ST3GAL4: variants seen among roughly 807,000 people sequenced by gnomAD.
ST3GAL4 encodes CMP-N-acetylneuraminate-beta-galactosamide-alpha-2,3-sialyltransferase 4.
A neutral mutation model predicts 42.6 loss-of-function variants in ST3GAL4; 24 were observed. That is an observed-to-expected ratio of 0.56 (90% CI 0.41 to 0.79). The LOEUF is 0.79. Among genes scored for constraint, ST3GAL4 ranks in the 30% least tolerant of loss-of-function variants. ST3GAL4 has a pLI of 0.00. For synonymous variants in ST3GAL4, 135 were observed against 163.2 expected (o/e 0.83, Z 1.32); for missense variants, 311 against 430.8 (o/e 0.72, Z 2.46).
intron 1 of ST3GAL4, among the ~76,000 whole-genome samples, chr11:126,362,151 G>A (rs981950497): frequency 6.7e-6 from 1 of 149,904 alleles, no homozygotes; most frequent in African/African-American, 2.5e-5. Context: ...CAGAGTGCCA[G>A]GATTACAGGA....
At chr11:126,361,960 C>CAG (rs1952258310) in intron 1 of ST3GAL4, among the ~76,000 whole-genome samples, 1 of 151,260 alleles carries the variant, frequency 6.6e-6, no homozygotes, top group African/African-American at 2.4e-5. Context: ...CGGCTCACTG[C>CAG]CATCTCTGCC....
Position 126,406,272 on chromosome 11 carries a change from G to C in ST3GAL4, c.16+101G>C. The stretch of plus-strand genomic sequence containing the variant: ...CTGGGGGCTGTGGAGGGACAGACAG[G>C]GAGCCAGGGGCCCTTCTCTTCATCT... On this transcript the variant is annotated intron_variant, in intron 2 of 10. Transcript: ENST00000444328. This position sits in a 1 kb window ranked among gnomAD's most constrained non-coding sequence, Gnocchi z 5.4. 6.5e-7 allele frequency: 1 copy of C among 1,547,882 alleles called. No homozygotes were observed. Among genetic ancestry groups the C allele is most frequent in the African/African-American group, 1.4e-5 (1 of 72,986 alleles).
At chr11:126,357,596 A>G (rs909161434) in intron 1 of ST3GAL4, among the ~76,000 whole-genome samples, 2 of 152,162 alleles carry the variant, frequency 1.3e-5, no homozygotes, top group Admixed American at 1.3e-4. Context: ...CAACCTCGTT[A>G]GACTCCTAGA....
rs1037899401 is a variant in ST3GAL4, at chr11:126,392,318, A to G, written c.-60-13778A>G. ...GGGACTGCACAGAGTTTACTGTCGG[A>G]CATCAGTTCTGATATGGTGCAGCAG... is the stretch of plus-strand genomic sequence containing the variant. On this transcript the variant is annotated intron_variant, in intron 1 of 10. Coordinates refer to ENST00000444328, the MANE Select transcript of ST3GAL4 (RefSeq NM_001254757.2). This position sits in a 1 kb window ranked among gnomAD's most constrained non-coding sequence, Gnocchi z 5.8. 7.1e-6 allele frequency: 7 copies of G among 985,774 alleles called. No individual in the cohort carries two copies. In the Admixed American group the frequency reaches 2.5e-4, roughly 35 times the overall value. 61.1% of individuals were successfully genotyped at this position (985,774 alleles called of 1,614,324 possible). A position where few individuals can be genotyped will look rare whatever the true frequency, so the allele number is the denominator to read the frequency against.
At chr11:126,360,577 C>A (rs575513471) in intron 1 of ST3GAL4, among the ~76,000 whole-genome samples, 8 of 152,302 alleles carry the variant, frequency 5.3e-5, no homozygotes, top group African/African-American at 1.9e-4. Context: ...GCACCCGCCA[C>A]CACGCCTGGC....
At chr11:126,381,042 G>C (rs950611721) in intron 1 of ST3GAL4, among the ~76,000 whole-genome samples, 6 of 152,224 alleles carry the variant, frequency 3.9e-5, no homozygotes, top group Non-Finnish European at 4.4e-5. Context: ...AGAACATGGG[G>C]TGCACTTCTG....
chr11:126,409,222 G>C lies in ST3GAL4; in HGVS notation c.628-46G>C. Reference sequence around the variant, plus strand: ...ACCACTGGGTTGGATTTGAGAAACAGGGCTTCACCCGCTTCTGTCTCTCTC... The same window carrying C: ...ACCACTGGGTTGGATTTGAGAAACACGGCTTCACCCGCTTCTGTCTCTCTC... On this transcript the variant is annotated intron_variant, in intron 8 of 10. Coordinates refer to ENST00000444328, the MANE Select transcript of ST3GAL4 (RefSeq NM_001254757.2). The surrounding 1 kb of genome is among the most constrained non-coding windows in gnomAD (Gnocchi z 4.9). 3 of 1,603,490 alleles carry C rather than the reference G, an allele frequency of 1.9e-6. No individual in the cohort carries two copies. The South Asian group carries it at 3.3e-5, about 18-fold the overall frequency.
At chr11:126,408,895 T>C (rs867088624) in intron 8 of ST3GAL4, 3 of 399,372 alleles carry the variant, frequency 7.5e-6, no homozygotes, top group Non-Finnish European at 1.4e-5. Flanking sequence ...AAGAGTTCAC[T>C]ACATCACTTT....
chr11:126,408,117 T>G lies in ST3GAL4; in HGVS notation c.360T>G (p.Cys120Trp). The change falls in exon 7 of 11, where the codon TGT (cysteine) becomes TGG (tryptophan). Residue 120 changes from cysteine to tryptophan, a missense_variant. Physicochemically the swap from Cys to Trp is radical, Grantham distance 215 (BLOSUM62 -2). Transcript: ENST00000444328. ...ATGGCAGCCTCAGGTGCCGCCGCTGTGTGGTCGTGGGGAACGGGCACCGGC... is the reference window on the plus strand; with the variant it reads ...ATGGCAGCCTCAGGTGCCGCCGCTGGGTGGTCGTGGGGAACGGGCACCGGC... ...KNIQSLRCRRCVVVGNGHRLR... is the reference protein window; with the variant it reads ...KNIQSLRCRRWVVVGNGHRLR... 6.2e-7 allele frequency: 1 copy of G among 1,614,042 alleles called. No individual in the cohort carries two copies. Among genetic ancestry groups the G allele is most frequent in the Non-Finnish European group, 8.5e-7 (1 of 1,179,998 alleles).
chr11:126,376,575 C>T lies in ST3GAL4; in HGVS notation c.-61+20733C>T, dbSNP rs185343352. On this transcript the variant is annotated intron_variant, in intron 1 of 10. Transcript: ENST00000444328. The surrounding 1 kb of genome is among the most constrained non-coding windows in gnomAD (Gnocchi z 5.1). ...AAACAGAAGCATTTACCATAAATAA[C>T]CCCAGTTAAGATTTGATTATGCTGT... Among the ~76,000 whole-genome samples the T allele has an allele frequency of 8.5e-5, 13 of 152,280 alleles. No individual in the cohort carries two copies. The highest frequency in any genetic ancestry group is 1.8e-4 in the Non-Finnish European group (12 of 68,028).
chr11:126,372,371 A>G (rs1024993404), intron 1 of ST3GAL4, among the ~76,000 whole-genome samples: 5 of 150,484 alleles, frequency 3.3e-5, no homozygotes, highest in African/African-American at 1.2e-4. Flanking sequence ...AGGTTGATCC[A>G]TGTTGCAGTG....
chr11:126,361,147 C>T (rs1190172258), intron 1 of ST3GAL4, among the ~76,000 whole-genome samples: 5 of 152,170 alleles, frequency 3.3e-5, no homozygotes, highest in Non-Finnish European at 7.3e-5. Flanking sequence ...ACCTCAGCTC[C>T]AATCCCTATG....
At chr11:126,390,181 CA>C (rs967357657) in intron 1 of ST3GAL4, among the ~76,000 whole-genome samples, 149 of 133,278 alleles carry the variant, frequency 1.1e-3, no homozygotes, top group Middle Eastern at 3.9e-3. Context: ...GACTCTGTCT[CA>C]AAAAAAAAAA....
intron 4 of ST3GAL4, 70 bp from the exon 5 acceptor site, chr11:126,407,182 G>A: frequency 1.9e-6 from 3 of 1,558,502 alleles, no homozygotes; most frequent in Non-Finnish European, 2.7e-6. Flanking sequence ...ATTAGTCATG[G>A]GCCTAACCCT....
chr11:126,406,939 CCA>C lies in ST3GAL4; in HGVS notation c.102-3_102-2del. ...TTCTGCCTCCTGTCCTTTTTTCTCT[CCA>C]GTTTTTATTTTCCCATCCCAGAGAA... On this transcript the variant is annotated splice_acceptor_variant and splice_polypyrimidine_tract_variant and intron_variant, in intron 3 of 10. Coordinates refer to ENST00000444328, the MANE Select transcript of ST3GAL4 (RefSeq NM_001254757.2). LOFTEE classifies it high-confidence loss of function. The surrounding 1 kb of genome is among the most constrained non-coding windows in gnomAD (Gnocchi z 5.4). 6.2e-7 allele frequency: 1 copy of C among 1,613,796 alleles called. No homozygotes were observed. Among genetic ancestry groups the C allele is most frequent in the Non-Finnish European group, 8.5e-7 (1 of 1,179,878 alleles).
chr11:126,392,468 G>A lies in ST3GAL4; in HGVS notation c.-60-13628G>A, dbSNP rs969396630. On this transcript the variant is annotated intron_variant, in intron 1 of 10. Coordinates refer to ENST00000444328, the MANE Select transcript of ST3GAL4 (RefSeq NM_001254757.2). The surrounding 1 kb of genome is among the most constrained non-coding windows in gnomAD (Gnocchi z 5.8). ...CTCATCGACATGCATTTGGCAGAAA[G>A]TGCGCTGGCTCTGCCAGCTCCCAGT... The A allele has an allele frequency of 2.7e-6, 2 of 733,446 alleles. No homozygotes were observed. The highest frequency in any genetic ancestry group is 3.8e-5 in the African/African-American group (2 of 52,152). The allele number at this position is 733,446 out of a possible 1,614,324, so 45.4% of individuals were successfully genotyped here. A position where few individuals can be genotyped will look rare whatever the true frequency, so the allele number is the denominator to read the frequency against.
At position 126,384,693 on chromosome 11, in the gene ST3GAL4, C is replaced by G. The variant is rs1953149314; in HGVS notation, c.-60-21403C>G. The G allele has an allele frequency of 1.0e-6, 1 of 985,270 alleles. No homozygotes were observed. The highest frequency in any genetic ancestry group is 1.7e-5 in the African/African-American group (1 of 57,224). The allele number at this position is 985,270 out of a possible 1,614,324, so 61.0% of individuals were successfully genotyped here. ...AGCCACCTCCCTAGGGGCCTCCTCC[C>G]CCTCCCCTTCTGCATGCCACCACAC... is the stretch of plus-strand genomic sequence containing the variant. On this transcript the variant is annotated intron_variant, in intron 1 of 10. Transcript: ENST00000444328. The surrounding 1 kb of genome is among the most constrained non-coding windows in gnomAD (Gnocchi z 5.5).
chr11:126,405,086 G>T (rs975721731), intron 1 of ST3GAL4, among the ~76,000 whole-genome samples: 2 of 152,230 alleles, frequency 1.3e-5, no homozygotes, highest in African/African-American at 4.8e-5. Context: ...TGACCAAGGT[G>T]GTCTGGTCTC....
At chr11:126,399,311 T>TTTC (rs1317314905) in intron 1 of ST3GAL4, among the ~76,000 whole-genome samples, 4 of 136,376 alleles carry the variant, frequency 2.9e-5, no homozygotes, top group South Asian at 2.5e-4. Context: ...CTTTTTTTTT[T>TTTC]TTTTTTTTTT....
Sources: gnomAD v4.1 joint callset for allele counts (sites outside exome capture counted in the v4.1 genomes callset) on GRCh38, gnomAD v4.1.1 for gene constraint, Gnocchi (gnomAD v3.1) non-coding constraint, MANE v1.5 for transcripts, NCBI Gene and HGNC (gene_info 2026-07-23, HGNC 2026-07-21) for gene names.